Variants in SLC12A7 observed in about 807,000 individuals in gnomAD.
SLC12A7 encodes solute carrier family 12 member 7.
Under a neutral mutation model 120.6 loss-of-function variants are expected in SLC12A7, and 100 were observed. That is an observed-to-expected ratio of 0.83 (90% CI 0.71 to 0.98). The LOEUF (loss-of-function observed/expected upper bound fraction) is 0.98. Ranked by LOEUF, SLC12A7 falls within the 50% of genes least tolerant of loss-of-function variation. The pLI, the probability that SLC12A7 is intolerant of heterozygous loss-of-function variation, is 0.00. For missense variants in SLC12A7, 1,373 were observed against 1,548.1 expected, an observed-to-expected ratio of 0.89 and a Z score of 1.90; for synonymous variants, 760 against 678.0, an observed-to-expected ratio of 1.12 and a Z score of -1.88.
intron 21 of SLC12A7, 34 bp downstream of exon 21, chr5:1,060,310 A>C (rs764104384): frequency 1.3e-6 from 2 of 1,512,618 alleles, no homozygotes; most frequent in Non-Finnish European, 1.8e-6. Flanking sequence ...ACTTCTCAGA[A>C]AGCCTGGTGT....
At chr5:1,130,950 C>T in the SLC12A7 span, among the ~76,000 whole-genome samples, 18 of 152,108 alleles carry the variant, frequency 1.2e-4, no homozygotes, top group East Asian at 3.9e-4. Context: ...CAGAACCTCA[C>T]GTCGGAGGGT....
chr5:1,116,753 C>A (rs556476959), upstream of SLC12A7, among the ~76,000 whole-genome samples: 2 of 152,192 alleles, frequency 1.3e-5, no homozygotes, highest in African/African-American at 4.8e-5. Context: ...AGGGAAGGTT[C>A]GCATCTCCTC....
the SLC12A7 span, among the ~76,000 whole-genome samples, chr5:1,150,317 G>A: frequency 3.5e-5 from 5 of 142,400 alleles, no homozygotes; most frequent in Middle Eastern, 3.7e-3. Context: ...TGCAGGAGCC[G>A]ACATCCATGC....
Position 1,085,157 on chromosome 5 carries a change from C to G in SLC12A7, c.917+75G>C, listed in dbSNP as rs546730852. On this transcript the variant is annotated intron_variant, in intron 7 of 23. Coordinates refer to ENST00000264930, the MANE Select transcript of SLC12A7 (RefSeq NM_006598.3). ...GGAGCTCGGCGTCAAGGATGATGGACGAGAGGCGGGCAGAGCCCATGGGAC... is the reference window on the plus strand; with the variant it reads ...GGAGCTCGGCGTCAAGGATGATGGAGGAGAGGCGGGCAGAGCCCATGGGAC... The G allele has an allele frequency of 7.4e-4, 1,151 of 1,562,362 alleles. 19 individuals carry two copies. The South Asian group carries it at 0.013, about 18-fold the overall frequency.
chr5:1,099,606 C>T (rs1018618940), intron 1 of SLC12A7, among the ~76,000 whole-genome samples: 1 of 152,320 alleles, frequency 6.6e-6, no homozygotes, highest in East Asian at 1.9e-4. Context: ...CCTCCCTCCT[C>T]CCGAAGACGA....
chr5:1,085,547 C>T, intron 6 of SLC12A7, 74 bp from the exon 7 acceptor site: 6 of 1,489,438 alleles, frequency 4.0e-6, no homozygotes, highest in Non-Finnish European at 5.4e-6. Context: ...CGCAAGCCCC[C>T]AGCGCCACAC....
intron 4 of SLC12A7, among the ~76,000 whole-genome samples, 196 bp from the exon 5 acceptor site, chr5:1,088,556 A>G (rs2150868464): frequency 6.6e-6 from 1 of 152,218 alleles, no homozygotes; most frequent in Non-Finnish European, 1.5e-5. Flanking sequence ...CCTGGTTCCC[A>G]CCCCTTCCCC....
intron 3 of SLC12A7, among the ~76,000 whole-genome samples, chr5:1,091,776 G>A (rs1444316554): frequency 1.3e-5 from 2 of 151,804 alleles, no homozygotes; most frequent in Non-Finnish European, 2.9e-5. Context: ...CGTGCAGAAA[G>A]GTGCTGAGTG....
rs565271227 is a variant in SLC12A7 at position 1,109,914 on chromosome 5, T to G, written c.124+1954A>C. The stretch of plus-strand genomic sequence containing the variant: ...TGGTAACTCTGTGGCCGGACAGTTT[T>G]GGACCTGGCCTGTGACCTTGTGGTG... On this transcript the variant is annotated intron_variant, in intron 1 of 23. Transcript: ENST00000264930. 1.4e-3 allele frequency among the ~76,000 whole-genome samples: 218 copies of G among 152,386 alleles called. 2 individuals are homozygous for G. The highest frequency in any genetic ancestry group is 5.0e-3 in the African/African-American group (206 of 41,606).
At chr5:1,141,180 C>A in the SLC12A7 span, among the ~76,000 whole-genome samples, 1 of 152,224 alleles carries the variant, frequency 6.6e-6, no homozygotes, top group Non-Finnish European at 1.5e-5. Context: ...CCCAGCTTCT[C>A]CCTGTGTCTC....
At chr5:1,081,378 C>T (rs1739085939) in intron 9 of SLC12A7, among the ~76,000 whole-genome samples, 199 bp downstream of exon 9, 1 of 152,040 alleles carries the variant, frequency 6.6e-6, no homozygotes, top group Non-Finnish European at 1.5e-5. Flanking sequence ...CAGATATTAG[C>T]CGGGCGTGGT....
chr5:1,111,963 A>G lies in SLC12A7; in HGVS notation c.29T>C (p.Val10Ala). The change falls in exon 1 of 24, where the codon GTG (valine) becomes GCG (alanine). Residue 10 changes from valine to alanine, a missense_variant. Physicochemically the swap from Val to Ala is moderately conservative, Grantham distance 64. Coordinates refer to ENST00000264930, the MANE Select transcript of SLC12A7 (RefSeq NM_006598.3). MPTNFTVVP[V>A]EAHADGGGDE... ...CCCGCCGCCGTCGGCGTGAGCCTCC[A>G]CGGGCACCACGGTGAAGTTGGTGGG... 1 of 1,290,944 alleles carries G rather than the reference A, an allele frequency of 7.7e-7. No individual in the cohort carries two copies. Among genetic ancestry groups the G allele is most frequent in the East Asian group, 3.0e-5 (1 of 33,426 alleles). The allele number at this position is 1,290,944 out of a possible 1,614,324, so 80.0% of individuals were successfully genotyped here.
chr5:1,115,892 A>AG (rs2126310858), upstream of SLC12A7, among the ~76,000 whole-genome samples: 1 of 151,978 alleles, frequency 6.6e-6, no homozygotes, highest in African/African-American at 2.4e-5. Flanking sequence ...GAGGGAAGGG[A>AG]GGCCCCAGTT....
intron 9 of SLC12A7, among the ~76,000 whole-genome samples, chr5:1,080,287 G>A (rs62331184): frequency 3.5e-3 from 9 of 2,552 alleles, no homozygotes; most frequent in Admixed American, 0.038. Flanking sequence ...CCCACGGCGC[G>A]GAGACACCAG....
At chr5:1,109,448 C>T (rs986322494) in intron 1 of SLC12A7, among the ~76,000 whole-genome samples, 2 of 152,178 alleles carry the variant, frequency 1.3e-5, no homozygotes, top group East Asian at 1.9e-4. Context: ...CATTTCAAGA[C>T]GAGGTATTTC....
chr5:1,136,486 G>A, the SLC12A7 span, among the ~76,000 whole-genome samples: 9 of 123,538 alleles, frequency 7.3e-5, no homozygotes, highest in Admixed American at 4.7e-4. Context: ...ACCAACACCA[G>A]GACACGCAGG....
At chr5:1,117,848 G>C in the SLC12A7 span, among the ~76,000 whole-genome samples, 1 of 152,188 alleles carries the variant, frequency 6.6e-6, no homozygotes, top group African/African-American at 2.4e-5. This position sits in a 1 kb window ranked among gnomAD's most constrained non-coding sequence, Gnocchi z 4.5. Context: ...GAGGTGGGTG[G>C]ATCACGAGGT....
intron 22 of SLC12A7, chr5:1,056,684 G>T: frequency 1.5e-6 from 1 of 656,068 alleles, no homozygotes; most frequent in Non-Finnish European, 1.9e-6. Flanking sequence ...CCAGGAGGAC[G>T]CCGCCTCATC....
upstream of SLC12A7, among the ~76,000 whole-genome samples, chr5:1,114,075 C>A (rs1251514106): frequency 3.9e-5 from 6 of 152,250 alleles, no homozygotes; most frequent in South Asian, 2.1e-4. Flanking sequence ...GTGGCCAGGG[C>A]CAGCTCCCGG....
Sources: gnomAD v4.1 joint callset for allele counts (sites outside exome capture counted in the v4.1 genomes callset) on GRCh38, gnomAD v4.1.1 for gene constraint, Gnocchi (gnomAD v3.1) non-coding constraint, MANE v1.5 for transcripts, NCBI Gene and HGNC (gene_info 2026-07-23, HGNC 2026-07-21) for gene names.